The following SPATS2L variants were observed in gnomAD, a reference collection of about 807,000 sequenced individuals.
SPATS2L encodes the protein SPATS2-like protein.
Under a neutral mutation model 59.6 loss-of-function variants are expected in SPATS2L, and 30 were observed. The ratio of observed to expected loss-of-function variants is 0.50; its 90% CI spans 0.38 to 0.68. SPATS2L has a LOEUF of 0.68. SPATS2L is among the 30% of genes least tolerant of loss of function. The pLI is 0.00. For synonymous variants in SPATS2L, 252 were observed against 263.5 expected, an observed-to-expected ratio of 0.96 and a Z score of 0.42; for missense variants, 615 against 700.0, an observed-to-expected ratio of 0.88 and a Z score of 1.37.
At chr2:200,341,189 A>G (rs141931856) in intron 2 of SPATS2L, among the ~76,000 whole-genome samples, 1 of 152,258 alleles carries the variant, frequency 6.6e-6, no homozygotes, top group Non-Finnish European at 1.5e-5. Context: ...TGTTTTATGG[A>G]TGTACACATG....
intron 10 of SPATS2L, among the ~76,000 whole-genome samples, chr2:200,468,852 C>T (rs988866923): frequency 5.3e-5 from 8 of 152,212 alleles, no homozygotes; most frequent in African/African-American, 1.9e-4. Context: ...GTTAGAACAT[C>T]AAGTAAGAAA....
At chr2:200,337,073 A>G (rs1355269777) in intron 2 of SPATS2L, among the ~76,000 whole-genome samples, 1 of 152,182 alleles carries the variant, frequency 6.6e-6, no homozygotes, top group Non-Finnish European at 1.5e-5. Context: ...TCATCTTTTT[A>G]ACTAACTCTC....
intron 4 of SPATS2L, among the ~76,000 whole-genome samples, chr2:200,415,661 TTTAA>T (rs929986787): frequency 4.6e-5 from 7 of 152,106 alleles, no homozygotes; most frequent in South Asian, 2.1e-4. Flanking sequence ...TGTCTTGTAA[TTTAA>T]TTAGGCATTT....
intron 2 of SPATS2L, among the ~76,000 whole-genome samples, chr2:200,388,172 C>G (rs1489416765): frequency 6.6e-6 from 1 of 152,034 alleles, no homozygotes; most frequent in Non-Finnish European, 1.5e-5. Flanking sequence ...AGTGAAAAAA[C>G]AAATTTAAAA....
At chr2:200,439,834 G>C (rs1461363986) in intron 7 of SPATS2L, among the ~76,000 whole-genome samples, 1 of 152,104 alleles carries the variant, frequency 6.6e-6, no homozygotes, top group Non-Finnish European at 1.5e-5. Context: ...TATTTGACAC[G>C]CTGGATTTTT....
upstream of SPATS2L, chr2:200,306,213 A>G: frequency 1.0e-6 from 1 of 1,002,132 alleles, no homozygotes; most frequent in Non-Finnish European, 1.2e-6. Context: ...GATCCTCTCC[A>G]GAAAGCATTA....
intron 8 of SPATS2L, among the ~76,000 whole-genome samples, chr2:200,458,397 C>T (rs1004698762): frequency 4.0e-5 from 6 of 151,832 alleles, no homozygotes; most frequent in Non-Finnish European, 7.4e-5. Context: ...TAGTTCATAT[C>T]GTATACTTCC....
At chr2:200,342,248 T>G (rs758582609) in intron 2 of SPATS2L, among the ~76,000 whole-genome samples, 3 of 152,074 alleles carry the variant, frequency 2.0e-5, no homozygotes, top group African/African-American at 4.8e-5. Context: ...GATAGACCAG[T>G]GGAAGAGAGG....
intron 9 of SPATS2L, among the ~76,000 whole-genome samples, chr2:200,464,672 G>T (rs1255951862): frequency 6.6e-6 from 1 of 151,990 alleles, no homozygotes; most frequent in Non-Finnish European, 1.5e-5. Flanking sequence ...ATGAGACAGG[G>T]TCTTACATTG....
At chr2:200,409,479 A>T (rs2082801127) in intron 3 of SPATS2L, among the ~76,000 whole-genome samples, 1 of 152,142 alleles carries the variant, frequency 6.6e-6, no homozygotes, top group Non-Finnish European at 1.5e-5. Context: ...CAATTTCTCC[A>T]TCTTTCTCAA....
chr2:200,418,190 G>T (rs575063992), intron 5 of SPATS2L, among the ~76,000 whole-genome samples: 3 of 152,244 alleles, frequency 2.0e-5, no homozygotes, highest in African/African-American at 7.2e-5. Context: ...TCAGCTAGCA[G>T]CCGAGAGGTC....
chr2:200,473,724 A>G lies in SPATS2L; in HGVS notation c.1281+672A>G, dbSNP rs2087260704. Among the ~76,000 whole-genome samples, 4 of 152,134 alleles carry G rather than the reference A, an allele frequency of 2.6e-5. No individual in the cohort carries two copies. In the South Asian group the frequency reaches 8.3e-4, roughly 32 times the overall value. ...TTAACAAAAAATTGGGATCTGCCGGATGCAATGGCTCACTCCTATAATCCC... is the reference window on the plus strand; with the variant it reads ...TTAACAAAAAATTGGGATCTGCCGGGTGCAATGGCTCACTCCTATAATCCC... On this transcript the variant is annotated intron_variant, in intron 12 of 12. Transcript: ENST00000409140.
intron 8 of SPATS2L, among the ~76,000 whole-genome samples, chr2:200,445,654 G>T (rs1335083032): frequency 6.6e-6 from 1 of 152,198 alleles, no homozygotes; most frequent in Non-Finnish European, 1.5e-5. Flanking sequence ...TGGATATCCA[G>T]ATAATTTTAA....
intron 12 of SPATS2L, among the ~76,000 whole-genome samples, chr2:200,476,053 A>G (rs911315766): frequency 5.9e-5 from 9 of 152,096 alleles, no homozygotes; most frequent in Non-Finnish European, 8.8e-5. Context: ...ATGGTGAGAA[A>G]CCCCATTCAG....
chr2:200,402,391 T>TG (rs1238047818), intron 3 of SPATS2L, among the ~76,000 whole-genome samples: 3 of 152,222 alleles, frequency 2.0e-5, no homozygotes, highest in Non-Finnish European at 4.4e-5. Flanking sequence ...CCAGCAATCT[T>TG]TGACCTTCAT....
intron 2 of SPATS2L, among the ~76,000 whole-genome samples, chr2:200,350,569 C>G (rs942073459): frequency 1.3e-5 from 2 of 152,076 alleles, no homozygotes; most frequent in African/African-American, 4.8e-5. Flanking sequence ...CTGTGTCACC[C>G]AGGCTGGAGT....
At chr2:200,470,522 G>T (rs1240519359) in intron 11 of SPATS2L, among the ~76,000 whole-genome samples, 2 of 152,168 alleles carry the variant, frequency 1.3e-5, no homozygotes, top group Non-Finnish European at 2.9e-5. Flanking sequence ...CTTTAGTCTT[G>T]TTCCCTATTA....
chr2:200,384,430 T>C (rs1192648402), intron 2 of SPATS2L, among the ~76,000 whole-genome samples: 1 of 152,224 alleles, frequency 6.6e-6, no homozygotes, highest in African/African-American at 2.4e-5. Context: ...CTCAGCTCAC[T>C]GCAAGCTCTG....
intron 7 of SPATS2L, 77 bp downstream of exon 7, chr2:200,439,405 C>A: frequency 3.3e-6 from 4 of 1,230,154 alleles, no homozygotes; most frequent in East Asian, 2.4e-5. Flanking sequence ...CAGAACTTTC[C>A]AAAAGATGCT....
Sources: allele counts gnomAD v4.1 joint callset (sites outside exome capture counted in the v4.1 genomes callset), GRCh38; gene constraint gnomAD v4.1.1; transcripts MANE v1.5; gene names NCBI Gene and HGNC (gene_info 2026-07-23, HGNC 2026-07-21).